Variants in ADAR observed in about 807,000 individuals in gnomAD.
ADAR encodes double-stranded RNA-specific adenosine deaminase.
In ADAR, 41 loss-of-function variants were observed where a neutral mutation model predicts 113.2. The ratio of observed to expected loss-of-function variants is 0.36; its 90% CI spans 0.28 to 0.47. ADAR has a LOEUF of 0.47. Among genes scored for constraint, ADAR ranks in the 20% least tolerant of loss-of-function variants. ADAR has a pLI of 1.00. For missense variants in ADAR, 1,242 were observed against 1,540.9 expected (o/e 0.81, Z 3.25); for synonymous variants, 605 against 572.6 (o/e 1.06, Z -0.81).
At chr1:154,606,073 C>T in intron 1 of ADAR, 1 of 400,004 alleles carries the variant, frequency 2.5e-6, no homozygotes, top group South Asian at 1.0e-4. Flanking sequence ...GGCATGATCT[C>T]GGCTCACTGC....
Position 154,590,233 on chromosome 1 carries a change from C to T in ADAR, c.2447G>A (p.Arg816Lys). 3 of 1,585,980 alleles carry T rather than the reference C, an allele frequency of 1.9e-6. No individual in the cohort carries two copies. The highest frequency in any genetic ancestry group is 2.6e-6 in the Non-Finnish European group (3 of 1,164,020). The change falls in exon 7 of 15, where the codon AGA becomes AAA. Residue 816 changes from arginine (R) to lysine (K), a missense_variant. Transcript: ENST00000368474. ...EVTPVTGASLRRTMLLLSRSP... is the reference protein window; with the variant it reads ...EVTPVTGASLKRTMLLLSRSP... ...CCTTGAGAGGAGGAGCATAGTTCTT[C>T]TGAGACTGGCCCCTGTCACTGGGGT...
In ADAR at chr1:154,590,243, C is replaced by T. The variant is rs754179945; in HGVS notation, c.2437G>A (p.Ala813Thr). Residue 813 changes from alanine to threonine, a missense_variant, in exon 7 of 15, where the codon GCC becomes ACC. Around this residue, in one of 2 missense-constraint regions of ADAR, gnomAD observed 780 missense variants for 1,057.9 expected, o/e 0.74. Coordinates refer to ENST00000368474, the MANE Select transcript of ADAR (RefSeq NM_001111.5). ...AGGAGCATAGTTCTTCTGAGACTGGCCCCTGTCACTGGGGTTACCTCTGTG... is the reference window on the plus strand; with the variant it reads ...AGGAGCATAGTTCTTCTGAGACTGGTCCCTGTCACTGGGGTTACCTCTGTG... Reference protein sequence around the residue: ...GFTEVTPVTGASLRRTMLLLS... With the variant: ...GFTEVTPVTGTSLRRTMLLLS... 9.3e-6 allele frequency: 15 copies of T among 1,610,242 alleles called. No individual in the cohort carries two copies. The Admixed American group carries it at 1.7e-4, about 18-fold the overall frequency.
At position 154,597,162 on chromosome 1, in the gene ADAR, C is replaced by T; in HGVS notation, c.2040G>A (p.Leu680=). Residue 680 remains leucine (L), a synonymous_variant, in exon 5 of 15, where the codon CTG becomes CTA. Coordinates refer to ENST00000368474, the MANE Select transcript of ADAR (RefSeq NM_001111.5). ...QMAAEEAMKA[L]HGEATNSMAS... ...CCATGGAGTTGGTCGCCTCCCCATG[C>T]AGGGCCTTCATGGCTTCCTCTGCGG... is the stretch of plus-strand genomic sequence containing the variant. The T allele has an allele frequency of 6.2e-7, 1 of 1,614,194 alleles. No individual in the cohort carries two copies. Among genetic ancestry groups the T allele is most frequent in the Non-Finnish European group, 8.5e-7 (1 of 1,180,036 alleles).
At position 154,593,072 on chromosome 1, in the gene ADAR, T is replaced by C. The variant is rs372449527; in HGVS notation, c.2271-2663A>G. Among the ~76,000 whole-genome samples, 90 of 133,890 alleles carry C rather than the reference T, an allele frequency of 6.7e-4. No homozygotes were observed. The South Asian group carries it at 0.02, about 30-fold the overall frequency. The allele number at this position is 133,890 out of a possible 152,430, so 87.8% of individuals were successfully genotyped here. A position where few individuals can be genotyped will look rare whatever the true frequency, so the allele number is the denominator to read the frequency against. On this transcript the variant is annotated intron_variant, in intron 6 of 14. Transcript: ENST00000368474. ...ATTGTTTGAACCCAGGAGGCGGAGG[T>C]TGCAGTGAGCTGAGACTGCGCCACT...
At chr1:154,592,552 A>T (rs1697217880) in intron 6 of ADAR, among the ~76,000 whole-genome samples, 1 of 152,168 alleles carries the variant, frequency 6.6e-6, no homozygotes, top group African/African-American at 2.4e-5. Flanking sequence ...AGAGGAAGGG[A>T]TTTGGGATAG....
At chr1:154,611,335 GAAC>G (rs796146817), upstream of ADAR, among the ~76,000 whole-genome samples, 34 of 152,224 alleles carry the variant, frequency 2.2e-4, no homozygotes, top group Admixed American at 3.9e-4. Context: ...TGCCTTGAAA[GAAC>G]AACAACTCCT....
upstream of ADAR, among the ~76,000 whole-genome samples, chr1:154,610,832 A>AAAAAAAAAAAAAAAAAAAC (rs1698463853): frequency 7.1e-6 from 1 of 140,522 alleles, no homozygotes; most frequent in Non-Finnish European, 1.5e-5. Flanking sequence ...AAGAAAAAAA[A>AAAAAAAAAAAAAAAAAAAC]AAAAAAAAAG....
chr1:154,590,485 A>T, intron 6 of ADAR, 76 bp from the exon 7 acceptor site: 1 of 1,413,378 alleles, frequency 7.1e-7, no homozygotes. Flanking sequence ...AGTTTTGCTG[A>T]AGATGTGGCC....
chr1:154,584,601 A>AG lies in ADAR; in HGVS notation c.*204dup. 2 of 575,998 alleles carry AG rather than the reference A, an allele frequency of 3.5e-6. No individual in the cohort carries two copies. The highest frequency in any genetic ancestry group is 6.1e-6 in the Non-Finnish European group (2 of 325,264). 35.7% of individuals were successfully genotyped at this position (575,998 alleles called of 1,614,324 possible). ...TCTGCCTCTTCACTTGGGGGAAAAA[A>AG]GGGGGGCCTGGCCAGACCTTGCCTA... is the stretch of plus-strand genomic sequence containing the variant. On this transcript the variant is annotated 3_prime_UTR_variant, in exon 15 of 15. Transcript: ENST00000368474.
chr1:154,613,063 G>C (rs1571140860), upstream of ADAR, among the ~76,000 whole-genome samples: 1 of 151,878 alleles, frequency 6.6e-6, no homozygotes, highest in Admixed American at 6.6e-5. Context: ...CGCCTGCCTC[G>C]GCCTCCCAAA....
rs1298128153 is a variant in ADAR, at chr1:154,601,645, C to T, written c.997G>A (p.Val333Met). The T allele has an allele frequency of 1.2e-6, 2 of 1,614,000 alleles. No individual in the cohort carries two copies. Among genetic ancestry groups the T allele is most frequent in the Admixed American group, 1.7e-5 (1 of 60,022 alleles). ...CCCTGCCTTTCCATGTCAATTAGCA[C>T]AGCATTTATATCTCGGGCCTTGGTA... ...GLTKARDINA[V>M]LIDMERQGDV... The change falls in exon 2 of 15, where the codon GTG (valine) becomes ATG (methionine). Residue 333 changes from valine (V) to methionine (M), a missense_variant. Around this residue, in one of 2 missense-constraint regions of ADAR, gnomAD observed 462 missense variants for 483.1 expected, o/e 0.96. Coordinates refer to ENST00000368474, the MANE Select transcript of ADAR (RefSeq NM_001111.5). The surrounding 1 kb of genome is among the most constrained non-coding windows in gnomAD (Gnocchi z 4.7).
At chr1:154,588,397 A>C in intron 10 of ADAR, 139 bp from the exon 11 acceptor site, 1 of 1,484,384 alleles carries the variant, frequency 6.7e-7, no homozygotes, top group Non-Finnish European at 9.3e-7. Context: ...ACAGCAGTAC[A>C]TGTGAGTCAT....
At chr1:154,593,270 T>C (rs1352863801) in intron 6 of ADAR, among the ~76,000 whole-genome samples, 2 of 151,774 alleles carry the variant, frequency 1.3e-5, no homozygotes, top group African/African-American at 2.4e-5. Flanking sequence ...TTGTACGAGA[T>C]AGTTAATAAA....
Position 154,584,560 on chromosome 1 carries a change from GAT to G in ADAR, c.*244_*245del. The G allele has an allele frequency of 1.9e-6, 1 of 514,328 alleles. No individual in the cohort carries two copies. The highest frequency in any genetic ancestry group is 3.4e-5 in the Admixed American group (1 of 29,554). 31.9% of individuals were successfully genotyped at this position (514,328 alleles called of 1,614,324 possible). A position where few individuals can be genotyped will look rare whatever the true frequency, so the allele number is the denominator to read the frequency against. On this transcript the variant is annotated 3_prime_UTR_variant, in exon 15 of 15. Coordinates refer to ENST00000368474, the MANE Select transcript of ADAR (RefSeq NM_001111.5). ...ATGTATGCTTTGGGTAGAAAGAAAA[GAT>G]AACTTCTTAGGTTTCTGCCTCTTCA...
upstream of ADAR, among the ~76,000 whole-genome samples, chr1:154,611,652 C>T (rs1013793506): frequency 1.3e-5 from 2 of 152,176 alleles, no homozygotes; most frequent in East Asian, 1.9e-4. Flanking sequence ...GTAACTTCCC[C>T]GTGCGTAACG....
At chr1:154,617,164 A>G (rs1014112713) in intron 1 of ADAR, among the ~76,000 whole-genome samples, 3 of 152,212 alleles carry the variant, frequency 2.0e-5, no homozygotes, top group Non-Finnish European at 4.4e-5. Flanking sequence ...TGCCTAGTCC[A>G]GATAACACTG....
At chr1:154,598,207 G>A (rs866763201) in intron 3 of ADAR, among the ~76,000 whole-genome samples, 195 bp downstream of exon 3, 3 of 152,136 alleles carry the variant, frequency 2.0e-5, no homozygotes, top group Non-Finnish European at 4.4e-5. Flanking sequence ...ATCCAATTAT[G>A]TTGGGACAGG....
At chr1:154,588,963 T>C (rs571641179) in intron 9 of ADAR, among the ~76,000 whole-genome samples, 15 of 152,360 alleles carry the variant, frequency 9.8e-5, no homozygotes, top group Admixed American at 3.3e-4. Context: ...CCTTTCTAAG[T>C]CTCTCCCTTC....
rs533561093 is a variant in ADAR at position 154,584,956 on chromosome 1, T to C, written c.3531A>G (p.Leu1177=). The change falls in exon 15 of 15, where the codon CTA becomes CTG. Residue 1177 remains leucine (L), a synonymous_variant. Transcript: ENST00000368474. The part of the protein sequence containing the change: ...KLCSFRYRRD[L]LRLSYGEAKK... ...TGGCCTCACCATAGGAGAGTCTCAG[T>C]AGATCCCTGCGGTAACGGAAGGAGC... 5.6e-6 allele frequency: 9 copies of C among 1,614,172 alleles called. No homozygotes were observed. Among genetic ancestry groups the C allele is most frequent in the Middle Eastern group, 3.3e-4 (2 of 6,062 alleles).
Sources: allele counts gnomAD v4.1 joint callset (sites outside exome capture counted in the v4.1 genomes callset), GRCh38; gene constraint gnomAD v4.1.1; regional missense constraint gnomAD v4.1.1; non-coding constraint Gnocchi (gnomAD v3.1); transcripts MANE v1.5; gene names NCBI Gene and HGNC (gene_info 2026-07-23, HGNC 2026-07-21).